The following MEF2A variants were observed in gnomAD, a reference collection of about 807,000 sequenced individuals.
MEF2A encodes the protein myocyte-specific enhancer factor 2A.
MEF2A carries 28 observed loss-of-function variants against 55.8 expected under a neutral mutation model. The ratio of observed to expected loss-of-function variants is 0.50; its 90% confidence interval spans 0.37 to 0.69. MEF2A has a LOEUF of 0.69. MEF2A is among the 30% of genes least tolerant of loss of function. MEF2A has a pLI of 0.00. For missense variants in MEF2A, 528 were observed against 626.2 expected (o/e 0.84, Z 1.67); for synonymous variants, 239 against 227.1 (o/e 1.05, Z -0.47).
intron 1 of MEF2A, among the ~76,000 whole-genome samples, chr15:99,578,005 A>T (rs1449689637): frequency 6.6e-6 from 1 of 152,208 alleles, no homozygotes; most frequent in Middle Eastern, 3.2e-3. Flanking sequence ...TCACTTAATT[A>T]AGGTAATATC....
intron 1 of MEF2A, among the ~76,000 whole-genome samples, chr15:99,577,403 C>T (rs970556207): frequency 5.9e-5 from 3 of 51,264 alleles, no homozygotes; most frequent in Non-Finnish European, 2.1e-4. Flanking sequence ...GGGCTAGGTG[C>T]TGCAAGGCTT....
At chr15:99,668,279 C>T in intron 4 of MEF2A, among the ~76,000 whole-genome samples, 1 of 152,060 alleles carries the variant, frequency 6.6e-6, no homozygotes, top group Admixed American at 6.5e-5. Flanking sequence ...ATGTATAGAA[C>T]AGGGTGTATC....
At chr15:99,584,851 ATC>A (rs923822104) in intron 1 of MEF2A, among the ~76,000 whole-genome samples, 18 of 152,340 alleles carry the variant, frequency 1.2e-4, no homozygotes, top group Non-Finnish European at 2.1e-4. Flanking sequence ...TGTAAATTAT[ATC>A]TCAATAAAGC....
intron 9 of MEF2A, chr15:99,706,498 G>C: frequency 2.1e-6 from 1 of 470,040 alleles, no homozygotes; most frequent in South Asian, 2.3e-5. Flanking sequence ...CTATTTTAAC[G>C]TGGGGTGTCT....
intron 2 of MEF2A, among the ~76,000 whole-genome samples, chr15:99,618,438 A>C (rs2040570025): frequency 6.6e-6 from 1 of 152,196 alleles, no homozygotes; most frequent in Non-Finnish European, 1.5e-5. Context: ...AAAATGCCCT[A>C]AAGAACATTA....
chr15:99,613,804 C>CGTAT (rs1385796572), intron 2 of MEF2A, among the ~76,000 whole-genome samples: 1 of 152,136 alleles, frequency 6.6e-6, no homozygotes, highest in Non-Finnish European at 1.5e-5. Flanking sequence ...TAACGGGGAA[C>CGTAT]GTATTGACAT....
At chr15:99,678,106 T>A (rs1410954803) in intron 7 of MEF2A, among the ~76,000 whole-genome samples, 4 of 152,236 alleles carry the variant, frequency 2.6e-5, no homozygotes, top group Non-Finnish European at 5.9e-5. Flanking sequence ...AATGGAATGT[T>A]TTCACTAATA....
At chr15:99,699,517 CAA>C (rs1041294552) in intron 8 of MEF2A, among the ~76,000 whole-genome samples, 2 of 152,118 alleles carry the variant, frequency 1.3e-5, no homozygotes, top group African/African-American at 4.8e-5. Flanking sequence ...ACTGTACCTA[CAA>C]AGAGTGACTT....
chr15:99,616,465 G>C (rs534319110), intron 2 of MEF2A, among the ~76,000 whole-genome samples: 2 of 152,066 alleles, frequency 1.3e-5, no homozygotes, highest in African/African-American at 4.8e-5. Flanking sequence ...AGTCAATGAG[G>C]TAACATATTA....
intron 2 of MEF2A, among the ~76,000 whole-genome samples, chr15:99,610,512 G>A (rs1285174572): frequency 7.4e-6 from 1 of 135,280 alleles, no homozygotes; most frequent in Non-Finnish European, 1.5e-5. Context: ...CTTTAAAAAG[G>A]ATAAAGTTGG....
intron 2 of MEF2A, among the ~76,000 whole-genome samples, chr15:99,607,710 A>G (rs753272920): frequency 1.3e-5 from 2 of 152,148 alleles, no homozygotes; most frequent in Non-Finnish European, 2.9e-5. Context: ...TTTCATTTCT[A>G]TGCCTTGCCT....
chr15:99,689,444 TC>T (rs1379888856), intron 7 of MEF2A, among the ~76,000 whole-genome samples: 1 of 152,124 alleles, frequency 6.6e-6, no homozygotes, highest in East Asian at 1.9e-4. Context: ...ATTATTTTAG[TC>T]CCCAGTATGA....
intron 1 of MEF2A, among the ~76,000 whole-genome samples, chr15:99,592,874 G>C (rs1969822739): frequency 6.6e-6 from 1 of 152,146 alleles, no homozygotes; most frequent in Non-Finnish European, 1.5e-5. Flanking sequence ...TGAGATATGG[G>C]TGGGGACAGA....
chr15:99,700,213 C>G (rs1037323673), intron 8 of MEF2A, among the ~76,000 whole-genome samples: 25 of 139,106 alleles, frequency 1.8e-4, no homozygotes, highest in African/African-American at 6.2e-4. Flanking sequence ...CACACACACA[C>G]ATATGTACGT....
intron 4 of MEF2A, among the ~76,000 whole-genome samples, chr15:99,662,343 C>G (rs2048794700): frequency 6.6e-6 from 1 of 151,980 alleles, no homozygotes; most frequent in Admixed American, 6.6e-5. Context: ...GTCAGAGTAG[C>G]TAGAAAGAAT....
At chr15:99,691,749 GGAA>G (rs2055516395) in intron 8 of MEF2A, among the ~76,000 whole-genome samples, 1 of 151,734 alleles carries the variant, frequency 6.6e-6, no homozygotes, top group African/African-American at 2.4e-5. Flanking sequence ...TGTAGGATAG[GGAA>G]GAAAGCACAC....
intron 1 of MEF2A, among the ~76,000 whole-genome samples, chr15:99,581,397 C>T (rs1965871819): frequency 6.7e-6 from 1 of 150,238 alleles, no homozygotes; most frequent in African/African-American, 2.4e-5. Flanking sequence ...GTCATTGGGA[C>T]TTCATTTATG....
intron 2 of MEF2A, among the ~76,000 whole-genome samples, chr15:99,605,172 T>A (rs2153120098): frequency 6.6e-6 from 1 of 152,354 alleles, no homozygotes; most frequent in East Asian, 1.9e-4. Flanking sequence ...GGTCTCGAAC[T>A]CCTGGCCTCA....
At chr15:99,666,922 A>G (rs981360365) in intron 4 of MEF2A, among the ~76,000 whole-genome samples, 1 of 152,220 alleles carries the variant, frequency 6.6e-6, no homozygotes, top group African/African-American at 2.4e-5. Context: ...ATAAATAACA[A>G]TTTATGAATT....
Sources: allele counts gnomAD v4.1 joint callset (sites outside exome capture counted in the v4.1 genomes callset), GRCh38; gene constraint gnomAD v4.1.1; transcripts MANE v1.5; gene names NCBI Gene and HGNC (gene_info 2026-07-23, HGNC 2026-07-21).